The following ADGRD1 variants were observed in gnomAD, a reference collection of about 807,000 sequenced individuals.
The protein encoded by ADGRD1 is G-protein coupled receptor 133.
Under a neutral mutation model 113.4 loss-of-function variants are expected in ADGRD1, and 77 were observed. The ratio of observed to expected loss-of-function variants is 0.68; its 90% CI spans 0.57 to 0.82. The LOEUF (loss-of-function observed/expected upper bound fraction) is 0.82, where lower values mean the gene tolerates loss of function less well. ADGRD1 is among the 40% of genes least tolerant of loss of function. The pLI, the probability that ADGRD1 is intolerant of heterozygous loss-of-function variation, is 0.00. For missense variants in ADGRD1, 1,036 were observed against 1,139.1 expected (o/e 0.91, Z 1.30); for synonymous variants, 474 against 475.0 (o/e 1.00, Z 0.03).
At chr12:131,065,348 G>A (rs1884636118) in intron 13 of ADGRD1, among the ~76,000 whole-genome samples, 1 of 152,230 alleles carries the variant, frequency 6.6e-6, no homozygotes, top group African/African-American at 2.4e-5. Flanking sequence ...AACCTTGTCT[G>A]AAAAGCAAAC....
At chr12:131,016,168 C>T (rs1355532321) in intron 13 of ADGRD1, among the ~76,000 whole-genome samples, 1 of 152,360 alleles carries the variant, frequency 6.6e-6, no homozygotes, top group South Asian at 2.1e-4. Flanking sequence ...TCCCTCCACG[C>T]GGTCTTTGCG....
Position 131,068,202 on chromosome 12 carries a change from G to A in ADGRD1, c.1474-8599G>A, listed in dbSNP as rs191292184. 1.1e-4 allele frequency among the ~76,000 whole-genome samples: 16 copies of A among 152,312 alleles called. No individual in the cohort carries two copies. The East Asian group carries it at 3.1e-3, about 29-fold the overall frequency. On this transcript the variant is annotated intron_variant, in intron 13 of 24. Transcript: ENST00000261654. ...CCCGGACAGGCAGAGGTCTGGGGCC[G>A]AGTGGGGCTGAGTGGCTGCACACCT... is the stretch of plus-strand genomic sequence containing the variant.
Position 130,981,953 on chromosome 12 carries a change from G to T in ADGRD1, c.380G>T (p.Gly127Val). Residue 127 changes from glycine to valine, a missense_variant, in exon 5 of 25, where the codon GGA becomes GTA. By Grantham distance (109) the Gly-to-Val change is moderately radical. Coordinates refer to ENST00000261654, the MANE Select transcript of ADGRD1 (RefSeq NM_198827.5). ...AGACCAATCCCTTCTGCGTATGGGG[G>T]ACAGGTCATCTCCAATGGGTTCAAA... ...QSRPIPSAYG[G>V]QVISNGFKVC... is the part of the protein sequence containing the mutation. The T allele has an allele frequency of 6.2e-7, 1 of 1,613,720 alleles. No individual in the cohort carries two copies. Among genetic ancestry groups the T allele is most frequent in the Non-Finnish European group, 8.5e-7 (1 of 1,179,646 alleles).
intron 2 of ADGRD1, chr12:130,956,771 A>ACACATGCACATGTGTC (rs1245677944): frequency 6.8e-6 from 1 of 146,536 alleles, no homozygotes; most frequent in African/African-American, 2.5e-5. Context: ...ACGCATTCTC[A>ACACATGCACATGTGTC]CACATGCACA....
At position 130,971,694 on chromosome 12, in the gene ADGRD1, T is replaced by C. The variant is rs1215633132; in HGVS notation, c.310+114T>C. On this transcript the variant is annotated intron_variant, in intron 4 of 24. Coordinates refer to ENST00000261654, the MANE Select transcript of ADGRD1 (RefSeq NM_198827.5). The surrounding 1 kb of genome is among the most constrained non-coding windows in gnomAD (Gnocchi z 4.2). ...AGGTTCTCATCAATTGCAGAATGCGTGAGAATGTCAACGATGGATCGGAGG... is the reference window on the plus strand; with the variant it reads ...AGGTTCTCATCAATTGCAGAATGCGCGAGAATGTCAACGATGGATCGGAGG... 2.7e-6 allele frequency: 3 copies of C among 1,095,172 alleles called. No homozygotes were observed. Among genetic ancestry groups the C allele is most frequent in the Admixed American group, 2.7e-5 (1 of 37,228 alleles). 67.8% of individuals were successfully genotyped at this position (1,095,172 alleles called of 1,614,324 possible).
intron 8 of ADGRD1, among the ~76,000 whole-genome samples, chr12:130,994,913 G>C (rs574116456): frequency 1.3e-5 from 2 of 152,328 alleles, no homozygotes; most frequent in South Asian, 2.1e-4. Context: ...GGTCCTAAAG[G>C]TCACTCCTCA....
At chr12:130,978,323 C>T (rs979149563) in intron 4 of ADGRD1, 3 of 152,084 alleles carry the variant, frequency 2.0e-5, no homozygotes, top group African/African-American at 4.8e-5. Flanking sequence ...TTTCTTATGA[C>T]TCCTAGATTT....
intron 13 of ADGRD1, among the ~76,000 whole-genome samples, chr12:131,032,025 CTGCCGCTG>C (rs1880820049): frequency 6.6e-6 from 1 of 152,194 alleles, no homozygotes; most frequent in African/African-American, 2.4e-5. Flanking sequence ...TCTGGGGTTC[CTGCCGCTG>C]TGCCCCACAG....
At chr12:131,106,771 C>T (rs1217584995) in intron 17 of ADGRD1, among the ~76,000 whole-genome samples, 1 of 152,210 alleles carries the variant, frequency 6.6e-6, no homozygotes, top group African/African-American at 2.4e-5. Flanking sequence ...CCTCACAGGG[C>T]ACCCCACCTC....
At chr12:131,081,978 T>G (rs931000561) in intron 14 of ADGRD1, among the ~76,000 whole-genome samples, 1 of 152,180 alleles carries the variant, frequency 6.6e-6, no homozygotes, top group Non-Finnish European at 1.5e-5. Flanking sequence ...AAGTAAAACA[T>G]TATAGAAAAG....
At chr12:131,095,345 C>T (rs574159961) in intron 15 of ADGRD1, among the ~76,000 whole-genome samples, 7 of 152,356 alleles carry the variant, frequency 4.6e-5, no homozygotes, top group African/African-American at 1.7e-4. Flanking sequence ...ATTCAATTGC[C>T]GTTGCCTCCT....
intron 8 of ADGRD1, among the ~76,000 whole-genome samples, chr12:130,996,883 G>A (rs1210809749): frequency 2.5e-5 from 3 of 120,638 alleles, no homozygotes; most frequent in Non-Finnish European, 5.3e-5. Context: ...GGGCAGAGGG[G>A]CTCCTCACTT....
intron 12 of ADGRD1, among the ~76,000 whole-genome samples, chr12:131,010,024 C>G (rs1877671493): frequency 6.6e-6 from 1 of 152,232 alleles, no homozygotes; most frequent in South Asian, 2.1e-4. Flanking sequence ...AAGGCCCTGG[C>G]TGCAGTGCTG....
rs201935769 is a variant in ADGRD1 at position 131,075,627 on chromosome 12, GCGA to G, written c.1474-1173_1474-1171del. Among the ~76,000 whole-genome samples, 234 of 152,360 alleles carry G rather than the reference GCGA, an allele frequency of 1.5e-3. 3 individuals are homozygous for G. The East Asian group carries it at 0.042, about 27-fold the overall frequency. On this transcript the variant is annotated intron_variant, in intron 13 of 24. Transcript: ENST00000261654. This position sits in a 1 kb window ranked among gnomAD's most constrained non-coding sequence, Gnocchi z 5.3. Reference sequence around the variant, plus strand: ...CTGGAGGAGCTGTCAGACAGATGCTGCGATGATAGCCCTGTGAGTCCTTTGGTT... The same window carrying G: ...CTGGAGGAGCTGTCAGACAGATGCTGTGATAGCCCTGTGAGTCCTTTGGTT...
intron 13 of ADGRD1, chr12:131,024,129 C>G (rs1879665622): frequency 6.6e-6 from 1 of 152,216 alleles, no homozygotes; most frequent in Admixed American, 6.5e-5. Flanking sequence ...GAGGCAAAGC[C>G]TAGAATTAGC....
intron 18 of ADGRD1, among the ~76,000 whole-genome samples, chr12:131,116,091 C>T (rs1243533190): frequency 1.3e-5 from 2 of 152,234 alleles, no homozygotes; most frequent in Non-Finnish European, 2.9e-5. Flanking sequence ...AAAAGCCCCA[C>T]AAACGCACTC....
At chr12:130,999,536 G>A (rs1238909654) in intron 8 of ADGRD1, among the ~76,000 whole-genome samples, 2 of 152,258 alleles carry the variant, frequency 1.3e-5, no homozygotes, top group African/African-American at 2.4e-5. Context: ...AAGAACGTGA[G>A]TATTCTGGAG....
intron 13 of ADGRD1, among the ~76,000 whole-genome samples, chr12:131,028,795 C>G (rs1298582504): frequency 2.0e-5 from 3 of 152,260 alleles, no homozygotes; most frequent in African/African-American, 7.2e-5. Context: ...CATTTGCATG[C>G]CGGTACGATT....
At chr12:130,975,624 A>G (rs1203700808) in intron 4 of ADGRD1, among the ~76,000 whole-genome samples, 1 of 152,194 alleles carries the variant, frequency 6.6e-6, no homozygotes, top group Non-Finnish European at 1.5e-5. Flanking sequence ...ATAAAATCCA[A>G]AAAAGGTCAT....
Sources: allele counts gnomAD v4.1 joint callset (sites outside exome capture counted in the v4.1 genomes callset), GRCh38; gene constraint gnomAD v4.1.1; non-coding constraint Gnocchi (gnomAD v3.1); transcripts MANE v1.5; gene names NCBI Gene and HGNC (gene_info 2026-07-23, HGNC 2026-07-21).